STOX2: variants seen among roughly 807,000 people sequenced by gnomAD.
STOX2 encodes the protein storkhead box 2, also known as storkhead-box protein 2.
STOX2 carries 28 observed loss-of-function variants against 60.9 expected under a neutral mutation model. The ratio of observed to expected loss-of-function variants is 0.46; its 90% confidence interval spans 0.34 to 0.63. The LOEUF is 0.63. STOX2 is among the 30% of genes least tolerant of loss of function. The pLI, the probability that STOX2 is intolerant of heterozygous loss-of-function variation, is 0.01. For missense variants in STOX2, 1,024 were observed against 1,187.7 expected (o/e 0.86, Z 2.03); for synonymous variants, 472 against 463.9 (o/e 1.02, Z -0.22).
chr4:184,007,975 A>G (rs369312647), intron 2 of STOX2, among the ~76,000 whole-genome samples: 176 of 152,298 alleles, frequency 1.2e-3, no homozygotes, highest in African/African-American at 4.1e-3. Flanking sequence ...GGAGTGCATA[A>G]TTCAACCAGT....
intron 1 of STOX2, among the ~76,000 whole-genome samples, chr4:183,963,528 A>C (rs1428276528): frequency 6.7e-6 from 1 of 148,946 alleles, no homozygotes; most frequent in Non-Finnish European, 1.5e-5. Flanking sequence ...CTGGGTTCAA[A>C]CGATTCTCAT....
At chr4:183,859,783 C>G (rs1740388278) in intron 1 of STOX2, among the ~76,000 whole-genome samples, 1 of 152,234 alleles carries the variant, frequency 6.6e-6, no homozygotes, top group African/African-American at 2.4e-5. Flanking sequence ...TCCAAATGAT[C>G]TTACCGAACT....
At chr4:183,854,933 T>A (rs535945885) in intron 1 of STOX2, among the ~76,000 whole-genome samples, 20 of 152,206 alleles carry the variant, frequency 1.3e-4, no homozygotes, top group Non-Finnish European at 2.4e-4. Flanking sequence ...AAATCTTAGA[T>A]CTTTGATACT....
At chr4:183,922,234 C>T (rs1742121422) in intron 1 of STOX2, among the ~76,000 whole-genome samples, 2 of 152,016 alleles carry the variant, frequency 1.3e-5, no homozygotes, top group Non-Finnish European at 2.9e-5. Flanking sequence ...GTTTGTTCCT[C>T]AGGTGCAAAT....
intron 1 of STOX2, among the ~76,000 whole-genome samples, chr4:183,986,437 G>A (rs1428682241): frequency 2.6e-5 from 4 of 152,238 alleles, no homozygotes; most frequent in Non-Finnish European, 5.9e-5. Context: ...AAATGGATAC[G>A]CCAGACCAGA....
intron 1 of STOX2, among the ~76,000 whole-genome samples, chr4:183,990,259 A>G (rs1005966084): frequency 2.6e-5 from 4 of 152,180 alleles, no homozygotes; most frequent in Non-Finnish European, 4.4e-5. Context: ...TGTCCCCTGG[A>G]AAGTTCTCCC....
chr4:183,940,759 G>A (rs1425690043), intron 1 of STOX2, among the ~76,000 whole-genome samples: 1 of 152,078 alleles, frequency 6.6e-6, no homozygotes, highest in African/African-American at 2.4e-5. Flanking sequence ...AAACTTCCTG[G>A]TCCTAATTGT....
chr4:183,874,420 T>C (rs1156464255), intron 1 of STOX2, among the ~76,000 whole-genome samples: 2 of 152,148 alleles, frequency 1.3e-5, no homozygotes, highest in African/African-American at 2.4e-5. Context: ...GGACAGTCCT[T>C]AGGTTTACAG....
intron 1 of STOX2, among the ~76,000 whole-genome samples, chr4:183,810,630 G>A (rs1184465360): frequency 1.3e-5 from 2 of 152,188 alleles, no homozygotes; most frequent in Non-Finnish European, 2.9e-5. Context: ...GAGGTGATTA[G>A]GCAATGAGTC....
At chr4:183,982,553 G>A (rs915865267) in intron 1 of STOX2, among the ~76,000 whole-genome samples, 1 of 152,106 alleles carries the variant, frequency 6.6e-6, no homozygotes, top group Non-Finnish European at 1.5e-5. Context: ...GGTGCCCAGG[G>A]TTTTTGTTTA....
chr4:183,981,325 C>T (rs534764536), intron 1 of STOX2, among the ~76,000 whole-genome samples: 1 of 152,122 alleles, frequency 6.6e-6, no homozygotes, highest in East Asian at 1.9e-4. Context: ...AATTTCAGGG[C>T]GTCTTCACAG....
chr4:183,876,464 T>C (rs569706429), intron 1 of STOX2, among the ~76,000 whole-genome samples: 5 of 152,340 alleles, frequency 3.3e-5, no homozygotes, highest in Admixed American at 2.6e-4. Flanking sequence ...GGCTTCTTGG[T>C]ATTCCTTGTT....
intron 1 of STOX2, among the ~76,000 whole-genome samples, chr4:183,828,527 G>A (rs1739489299): frequency 6.6e-6 from 1 of 152,154 alleles, no homozygotes; most frequent in African/African-American, 2.4e-5. Context: ...AAAATGGTCA[G>A]GAACTTGGGG....
chr4:183,837,414 C>T (rs1323565059), intron 1 of STOX2, among the ~76,000 whole-genome samples: 1 of 151,742 alleles, frequency 6.6e-6, no homozygotes, highest in Non-Finnish European at 1.5e-5. Context: ...ATTTGTCCTT[C>T]TGTATCTGGC....
intron 1 of STOX2, among the ~76,000 whole-genome samples, chr4:183,983,020 C>G (rs1732710511): frequency 6.6e-6 from 1 of 152,154 alleles, no homozygotes; most frequent in East Asian, 1.9e-4. Flanking sequence ...GACTCTTTGG[C>G]CTTGTTGCTA....
At chr4:183,943,518 C>A (rs1304138189) in intron 1 of STOX2, among the ~76,000 whole-genome samples, 3 of 151,980 alleles carry the variant, frequency 2.0e-5, no homozygotes, top group Non-Finnish European at 4.4e-5. Context: ...TTGGAACTTT[C>A]CATTTTAAAA....
intron 1 of STOX2, among the ~76,000 whole-genome samples, chr4:183,862,955 C>G (rs138665088): frequency 0.01 from 1,576 of 152,244 alleles, 29 homozygotes; most frequent in African/African-American, 0.036. Flanking sequence ...GGGCCTAAGG[C>G]TTGTTGCAGA....
intron 1 of STOX2, among the ~76,000 whole-genome samples, chr4:183,924,303 G>A (rs1402247372): frequency 2.0e-5 from 3 of 152,162 alleles, no homozygotes; most frequent in African/African-American, 4.8e-5. Context: ...AAACCACTGC[G>A]GGACAGTGGG....
intron 1 of STOX2, among the ~76,000 whole-genome samples, chr4:183,920,018 A>T (rs1579417300): frequency 6.6e-6 from 1 of 152,222 alleles, no homozygotes; most frequent in African/African-American, 2.4e-5. Context: ...TTTTAGCAAC[A>T]CAAATGTAAA....
Sources: allele counts gnomAD v4.1 joint callset (sites outside exome capture counted in the v4.1 genomes callset), GRCh38; gene constraint gnomAD v4.1.1; transcripts MANE v1.5; gene names NCBI Gene and HGNC (gene_info 2026-07-23, HGNC 2026-07-21).